The following TRAK1 variants were observed in gnomAD, a reference collection of about 807,000 sequenced individuals.
TRAK1 encodes the protein trafficking kinesin-binding protein 1.
A neutral mutation model predicts 92.1 loss-of-function variants in TRAK1; 33 were observed. The observed-to-expected ratio is 0.36, with a 90% CI of 0.27 to 0.48. The LOEUF is 0.48. Ranked by LOEUF, TRAK1 falls within the 20% of genes least tolerant of loss-of-function variation. The probability of loss-of-function intolerance (pLI) is 0.99; values close to 1 mark genes in which losing one functional copy is unlikely to be tolerated. For synonymous variants in TRAK1, 521 were observed against 517.3 expected, an observed-to-expected ratio of 1.01 and a Z score of -0.10; for missense variants, 1,123 against 1,257.9, an observed-to-expected ratio of 0.89 and a Z score of 1.62.
intron 1 of TRAK1, among the ~76,000 whole-genome samples, chr3:42,121,579 C>T (rs1385458599): frequency 1.3e-5 from 2 of 151,972 alleles, no homozygotes; most frequent in Non-Finnish European, 2.9e-5. Context: ...TTCTTGAAGA[C>T]TCTTCTGTTA....
chr3:42,107,800 T>C (rs1034219660), intron 1 of TRAK1, among the ~76,000 whole-genome samples: 1 of 151,968 alleles, frequency 6.6e-6, no homozygotes, highest in Non-Finnish European at 1.5e-5. Flanking sequence ...CTTCACATTA[T>C]AGAATTTATT....
chr3:42,211,772 TTAAAA>T, intron 14 of TRAK1: 1 of 985,464 alleles, frequency 1.0e-6, no homozygotes, highest in Non-Finnish European at 1.2e-6. Flanking sequence ...GCCACTCTCC[TTAAAA>T]TAAACACTGA....
At chr3:42,166,571 G>T (rs1479900601) in intron 2 of TRAK1, among the ~76,000 whole-genome samples, 1 of 152,206 alleles carries the variant, frequency 6.6e-6, no homozygotes, top group Admixed American at 6.5e-5. Context: ...GGCTTCTTCT[G>T]AGTTTTAAGT....
chr3:42,073,312 G>A (rs1475584299), intron 1 of TRAK1, among the ~76,000 whole-genome samples: 1 of 152,132 alleles, frequency 6.6e-6, no homozygotes, highest in Admixed American at 6.5e-5. Context: ...CTGTCGGCTC[G>A]TCTAAATCTT....
At chr3:42,164,066 C>T (rs1185426206) in intron 2 of TRAK1, among the ~76,000 whole-genome samples, 1 of 152,170 alleles carries the variant, frequency 6.6e-6, no homozygotes, top group Non-Finnish European at 1.5e-5. Context: ...GCCAGTTTTG[C>T]TGGAAACACG....
At chr3:42,135,812 A>G (rs1226675161) in intron 2 of TRAK1, among the ~76,000 whole-genome samples, 2 of 152,038 alleles carry the variant, frequency 1.3e-5, no homozygotes, top group African/African-American at 2.4e-5. Flanking sequence ...TCTTGCCTAC[A>G]TCTTCTTTGC....
At chr3:42,142,444 C>G (rs1040482347) in intron 2 of TRAK1, among the ~76,000 whole-genome samples, 10 of 152,192 alleles carry the variant, frequency 6.6e-5, no homozygotes, top group African/African-American at 2.2e-4. Flanking sequence ...GGGCAGTCAG[C>G]TCTCCTCTGG....
At chr3:42,127,465 A>G (rs1381977872) in intron 2 of TRAK1, among the ~76,000 whole-genome samples, 1 of 147,282 alleles carries the variant, frequency 6.8e-6, no homozygotes, top group Non-Finnish European at 1.5e-5. Context: ...CAACCCTCCC[A>G]CCTTAGCTTC....
intron 2 of TRAK1, among the ~76,000 whole-genome samples, chr3:42,145,001 T>G (rs1409817186): frequency 6.6e-6 from 1 of 152,264 alleles, no homozygotes; most frequent in East Asian, 1.9e-4. Context: ...CATTGTTCTT[T>G]TATTTTTTAA....
chr3:42,042,663 G>A (rs1158604912), intron 1 of TRAK1, among the ~76,000 whole-genome samples: 2 of 144,282 alleles, frequency 1.4e-5, no homozygotes, highest in Non-Finnish European at 2.9e-5. Context: ...GAGCCACCGC[G>A]CCCAGCCTGG....
chr3:42,062,966 GT>G (rs1244863135), intron 1 of TRAK1, among the ~76,000 whole-genome samples: 1 of 152,206 alleles, frequency 6.6e-6, no homozygotes, highest in Admixed American at 6.5e-5. Context: ...CATTATCCCT[GT>G]TTTTGAGATA....
intron 3 of TRAK1, among the ~76,000 whole-genome samples, chr3:42,179,754 G>T (rs1486040263): frequency 6.6e-6 from 1 of 152,106 alleles, no homozygotes; most frequent in Admixed American, 6.5e-5. Flanking sequence ...GTTAGAATGA[G>T]CTCTACCTTG....
At chr3:42,076,149 C>T (rs544698824) in intron 1 of TRAK1, among the ~76,000 whole-genome samples, 19 of 146,736 alleles carry the variant, frequency 1.3e-4, no homozygotes, top group Non-Finnish European at 1.9e-4. Context: ...GCCTCCTTTG[C>T]GCATTTTTAA....
At chr3:42,108,928 G>T (rs1420755289) in intron 1 of TRAK1, among the ~76,000 whole-genome samples, 2 of 152,212 alleles carry the variant, frequency 1.3e-5, no homozygotes, top group African/African-American at 4.8e-5. Context: ...AAGACTGGAA[G>T]TTGGGCTAGG....
intron 1 of TRAK1, among the ~76,000 whole-genome samples, chr3:42,121,230 T>C (rs1709807675): frequency 6.6e-6 from 1 of 151,924 alleles, no homozygotes; most frequent in Non-Finnish European, 1.5e-5. Context: ...GCTTGATGTT[T>C]GGCATGGTGA....
intron 1 of TRAK1, among the ~76,000 whole-genome samples, chr3:42,026,981 G>A (rs748868440): frequency 1.3e-5 from 2 of 151,978 alleles, no homozygotes; most frequent in Non-Finnish European, 2.9e-5. Context: ...CAGGAAATGG[G>A]CTCTTATGTG....
chr3:42,113,405 C>G (rs1046436900), intron 1 of TRAK1, among the ~76,000 whole-genome samples: 2 of 139,698 alleles, frequency 1.4e-5, no homozygotes, highest in Admixed American at 1.4e-4. Context: ...TACCTCTACC[C>G]CTACCCCTAC....
intron 1 of TRAK1, among the ~76,000 whole-genome samples, chr3:42,094,745 C>T (rs926449736): frequency 6.6e-6 from 1 of 152,294 alleles, no homozygotes; most frequent in Non-Finnish European, 1.5e-5. Context: ...TCTAGAGAAA[C>T]AGAGCCAATA....
intron 1 of TRAK1, among the ~76,000 whole-genome samples, chr3:42,102,757 T>A (rs1041690836): frequency 3.3e-5 from 5 of 152,112 alleles, no homozygotes; most frequent in African/African-American, 1.2e-4. Context: ...TTACTGCGCA[T>A]GTGTTAAGGG....
Sources: gnomAD v4.1 joint callset for allele counts (sites outside exome capture counted in the v4.1 genomes callset) on GRCh38, gnomAD v4.1.1 for gene constraint, MANE v1.5 for transcripts, NCBI Gene and HGNC (gene_info 2026-07-23, HGNC 2026-07-21) for gene names.